Variants in ZNF592 observed in about 807,000 individuals in gnomAD.
ZNF592 encodes the protein zinc finger protein 592, also known as spinocerebellar ataxia, autosomal recessive 5.
A neutral mutation model predicts 80.3 loss-of-function variants in ZNF592; 11 were observed. The ratio of observed to expected loss-of-function variants is 0.14; its 90% confidence interval spans 0.09 to 0.23. The LOEUF is 0.23. Ranked by LOEUF, ZNF592 falls within the 10% of genes least tolerant of loss-of-function variation. The probability of loss-of-function intolerance (pLI) is 1.00; values close to 1 mark genes in which losing one functional copy is unlikely to be tolerated. For missense variants in ZNF592, 1,420 were observed against 1,633.9 expected (o/e 0.87, Z 2.26); for synonymous variants, 646 against 640.3 (o/e 1.01, Z -0.13).
rs535236253 is a variant in ZNF592, at chr15:84,802,427, G to A, written c.*34G>A. The A allele has an allele frequency of 7.4e-6, 12 of 1,611,032 alleles. No individual in the cohort carries two copies. The South Asian group carries it at 8.8e-5, about 12-fold the overall frequency. ...TTTGCAGTGTGCATGGTCAGGGGTG[G>A]TGCCGAAGTGTCTTCCACCTGCCCT... On this transcript the variant is annotated 3_prime_UTR_variant, in exon 11 of 11. Coordinates refer to ENST00000560079, the MANE Select transcript of ZNF592 (RefSeq NM_014630.3).
At chr15:84,768,333 G>T (rs565217474) in intron 2 of ZNF592, among the ~76,000 whole-genome samples, 1 of 150,808 alleles carries the variant, frequency 6.6e-6, no homozygotes, top group Non-Finnish European at 1.5e-5. Context: ...TGCCTCCTGG[G>T]TTCAAGCGAT....
chr15:84,750,228 G>A (rs556973373), intron 1 of ZNF592, among the ~76,000 whole-genome samples: 1 of 152,206 alleles, frequency 6.6e-6, no homozygotes, highest in Non-Finnish European at 1.5e-5. Flanking sequence ...GCTTGAACCC[G>A]GGAGGCGGAG....
At position 84,798,456 on chromosome 15, in the gene ZNF592, G is replaced by C; in HGVS notation, c.2718G>C (p.Glu906Asp). The C allele has an allele frequency of 6.2e-7, 1 of 1,614,028 alleles. No individual in the cohort carries two copies. The highest frequency in any genetic ancestry group is 8.5e-7 in the Non-Finnish European group (1 of 1,179,930). ...CACTCTTGTTCGTGCAGAAGCCGGA[G>C]TTGATGCAACACGTCAAGGTGGGAT... Reference protein sequence around the residue: ...ECPLLFVQKPELMQHVKSTHG... With the variant: ...ECPLLFVQKPDLMQHVKSTHG... The change falls in exon 7 of 11, where the codon GAG (glutamate) becomes GAC (aspartate). Residue 906 changes from glutamate to aspartate, a missense_variant. Physicochemically the swap from Glu to Asp is conservative, Grantham distance 45 (BLOSUM62 2). Transcript: ENST00000560079. The surrounding 1 kb of genome is among the most constrained non-coding windows in gnomAD (Gnocchi z 4.5).
Position 84,798,769 on chromosome 15 carries a change from A to G in ZNF592, c.2918A>G (p.Glu973Gly). ...WGRPEAHRRV[E>G]ARPRLRNTGW... The stretch of plus-strand genomic sequence containing the variant: ...AGGCCTGAAGCCCACCGCAGGGTGG[A>G]AGCCAGGCCGCGGCTGAGGAACACT... Residue 973 changes from glutamate (E) to glycine (G), a missense_variant, in exon 8 of 11, where the codon GAA (glutamate) becomes GGA (glycine). Transcript: ENST00000560079. The surrounding 1 kb of genome is among the most constrained non-coding windows in gnomAD (Gnocchi z 4.5). 1 of 1,606,260 alleles carries G rather than the reference A, an allele frequency of 6.2e-7. No individual in the cohort carries two copies. Among genetic ancestry groups the G allele is most frequent in the South Asian group, 1.1e-5 (1 of 91,014 alleles).
intron 2 of ZNF592, among the ~76,000 whole-genome samples, chr15:84,773,814 C>T (rs1162952215): frequency 4.6e-5 from 7 of 151,986 alleles, no homozygotes; most frequent in African/African-American, 1.7e-4. Flanking sequence ...CAACTTCAAT[C>T]TCTGAGATTT....
intron 4 of ZNF592, among the ~76,000 whole-genome samples, chr15:84,787,143 C>T (rs1962613307): frequency 1.3e-5 from 2 of 152,110 alleles, no homozygotes; most frequent in African/African-American, 4.8e-5. Context: ...TGAGCCATCA[C>T]ACCCGCCTCC....
intron 4 of ZNF592, among the ~76,000 whole-genome samples, chr15:84,785,994 C>G (rs1184151050): frequency 1.3e-5 from 2 of 152,108 alleles, no homozygotes; most frequent in African/African-American, 4.8e-5. Context: ...ATAGCCAGAC[C>G]CACCCCTCAT....
chr15:84,792,704 CA>C (rs1962784045), intron 5 of ZNF592, among the ~76,000 whole-genome samples: 1 of 152,202 alleles, frequency 6.6e-6, no homozygotes. Context: ...CCTCCCACCT[CA>C]ACTCCCCGAA....
intron 2 of ZNF592, among the ~76,000 whole-genome samples, chr15:84,767,658 C>CTG (rs967025238): frequency 9.2e-5 from 14 of 151,980 alleles, no homozygotes; most frequent in African/African-American, 3.4e-4. Flanking sequence ...ACTGTGCTTG[C>CTG]TGCCTATGCC....
At chr15:84,800,363 C>G (rs995748654) in intron 10 of ZNF592, among the ~76,000 whole-genome samples, 3 of 152,170 alleles carry the variant, frequency 2.0e-5, no homozygotes, top group Middle Eastern at 3.2e-3. Context: ...AACTCACCCC[C>G]CAACCTTCTC....
chr15:84,779,597 C>T (rs1962361217), intron 3 of ZNF592, among the ~76,000 whole-genome samples: 2 of 152,122 alleles, frequency 1.3e-5, no homozygotes, highest in South Asian at 4.1e-4. Flanking sequence ...AGTGATCCTC[C>T]TCCCTTGGCC....
At chr15:84,753,875 C>G (rs1484777989) in intron 1 of ZNF592, among the ~76,000 whole-genome samples, 2 of 152,182 alleles carry the variant, frequency 1.3e-5, no homozygotes, top group African/African-American at 4.8e-5. Flanking sequence ...TGAGGTAGAG[C>G]AATTGCATGT....
At chr15:84,795,237 A>C (rs930434599) in intron 5 of ZNF592, among the ~76,000 whole-genome samples, 1 of 152,092 alleles carries the variant, frequency 6.6e-6, no homozygotes, top group African/African-American at 2.4e-5. Flanking sequence ...TTATTTTCTT[A>C]TTTGTGATTA....
rs1417067050 is a variant in ZNF592, at chr15:84,799,885, C to T, written c.3181C>T (p.Leu1061=). The T allele has an allele frequency of 5.6e-6, 9 of 1,614,094 alleles. No homozygotes were observed. Among genetic ancestry groups the T allele is most frequent in the African/African-American group, 4.0e-5 (3 of 74,940 alleles). ...CCCCAGCTTTCCTCGGCCCTCCCTT[C>T]TGGAGAGCCACATCAGCCTTATGCA... ...DSPSFPRPSL[L]ESHISLMHGI... is the part of the protein sequence containing the mutation. Residue 1061 remains leucine (L), a synonymous_variant, in exon 10 of 11, where the codon CTG becomes TTG. Coordinates refer to ENST00000560079, the MANE Select transcript of ZNF592 (RefSeq NM_014630.3). The surrounding 1 kb of genome is among the most constrained non-coding windows in gnomAD (Gnocchi z 4.2).
intron 1 of ZNF592, among the ~76,000 whole-genome samples, chr15:84,758,817 T>C (rs117786346): frequency 0.013 from 1,973 of 151,352 alleles, 21 homozygotes; most frequent in African/African-American, 0.026. Flanking sequence ...TCCCAGCTAC[T>C]TGGGAGGCTG....
In ZNF592 at chr15:84,784,978, G is replaced by A; in HGVS notation, c.2220+83G>A. ...CTGGGCATGGAGAGGAAAGCTCATT[G>A]ATATGGGGGCAGTGGTGGAATCTTA... On this transcript the variant is annotated intron_variant, in intron 4 of 10. Coordinates refer to ENST00000560079, the MANE Select transcript of ZNF592 (RefSeq NM_014630.3). The surrounding 1 kb of genome is among the most constrained non-coding windows in gnomAD (Gnocchi z 5.8). 1 of 1,448,284 alleles carries A rather than the reference G, an allele frequency of 6.9e-7. No homozygotes were observed. The highest frequency in any genetic ancestry group is 9.7e-7 in the Non-Finnish European group (1 of 1,031,418). The allele number at this position is 1,448,284 out of a possible 1,614,324, so 89.7% of individuals were successfully genotyped here. A position where few individuals can be genotyped will look rare whatever the true frequency, so the allele number is the denominator to read the frequency against.
chr15:84,785,886 C>T (rs571624308), intron 4 of ZNF592, among the ~76,000 whole-genome samples: 40 of 150,678 alleles, frequency 2.7e-4, no homozygotes, highest in African/African-American at 8.7e-4. Context: ...AAAAAGCCTT[C>T]TGCGCTGAGA....
chr15:84,752,177 T>C (rs932888919), intron 1 of ZNF592, among the ~76,000 whole-genome samples: 2 of 152,234 alleles, frequency 1.3e-5, no homozygotes, highest in African/African-American at 4.8e-5. Flanking sequence ...GTGTGACTTT[T>C]TTTTCCTCTC....
rs1452786849 is a variant in ZNF592, at chr15:84,798,307, C to G, written c.2577-8C>G. 3 of 1,614,054 alleles carry G rather than the reference C, an allele frequency of 1.9e-6. No individual in the cohort carries two copies. Among genetic ancestry groups the G allele is most frequent in the Non-Finnish European group, 2.5e-6 (3 of 1,180,052 alleles). On this transcript the variant is annotated splice_region_variant and splice_polypyrimidine_tract_variant and intron_variant, in intron 6 of 10. Transcript: ENST00000560079. This position sits in a 1 kb window ranked among gnomAD's most constrained non-coding sequence, Gnocchi z 4.5. Reference sequence around the variant, plus strand: ...GGCCACCTCACCCCCTAGGGCTTGTCTCATCAGGCTCATTTATAAGTGCTC... The same window carrying G: ...GGCCACCTCACCCCCTAGGGCTTGTGTCATCAGGCTCATTTATAAGTGCTC...
Sources: allele counts gnomAD v4.1 joint callset (sites outside exome capture counted in the v4.1 genomes callset), GRCh38; gene constraint gnomAD v4.1.1; non-coding constraint Gnocchi (gnomAD v3.1); transcripts MANE v1.5; gene names NCBI Gene and HGNC (gene_info 2026-07-23, HGNC 2026-07-21).